Variants in LYPD6 observed in about 807,000 individuals in gnomAD.
The protein encoded by LYPD6 is ly6/PLAUR domain-containing protein 6.
Under a neutral mutation model 22.7 loss-of-function variants are expected in LYPD6, and 15 were observed. That is an observed-to-expected ratio of 0.66 (90% CI 0.44 to 1.02). LYPD6 has a LOEUF of 1.02. Among genes scored for constraint, LYPD6 ranks in the 50% least tolerant of loss-of-function variants. The pLI is 0.00. For missense variants in LYPD6, 189 were observed against 208.4 expected (o/e 0.91, Z 0.57); for synonymous variants, 72 against 77.5 (o/e 0.93, Z 0.37).
intron 1 of LYPD6, among the ~76,000 whole-genome samples, chr2:149,352,695 T>G (rs143018712): frequency 6.6e-6 from 1 of 152,318 alleles, no homozygotes; most frequent in Non-Finnish European, 1.5e-5. Context: ...ACTACAATGG[T>G]AAAAGTGTGT....
intron 1 of LYPD6, among the ~76,000 whole-genome samples, chr2:149,398,440 TGTG>T (rs1682475111): frequency 6.6e-6 from 1 of 151,948 alleles, no homozygotes; most frequent in Non-Finnish European, 1.5e-5. Flanking sequence ...TGTGTGTGTG[TGTG>T]TGTGTATGTG....
downstream of LYPD6, among the ~76,000 whole-genome samples, chr2:149,476,289 A>G (rs10497047): frequency 0.11 from 16,175 of 152,226 alleles, 1,057 homozygotes; most frequent in African/African-American, 0.18. Context: ...CAGGACAGCA[A>G]GCTAGCCTAA....
chr2:149,377,891 C>CACA (rs1185618407), intron 1 of LYPD6, among the ~76,000 whole-genome samples: 1 of 149,470 alleles, frequency 6.7e-6, no homozygotes, highest in East Asian at 2.0e-4. Flanking sequence ...TGCCCTGGAG[C>CACA]CTCCTGCAGG....
chr2:149,348,257 T>C (rs1386523615), intron 1 of LYPD6, among the ~76,000 whole-genome samples: 1 of 152,050 alleles, frequency 6.6e-6, no homozygotes, highest in African/African-American at 2.4e-5. Flanking sequence ...CCACAAAAAA[T>C]TCCTGTCCTG....
Position 149,346,397 on chromosome 2 carries a change from G to A in LYPD6, c.-72+15675G>A, listed in dbSNP as rs531769889. 1.2e-4 allele frequency among the ~76,000 whole-genome samples: 19 copies of A among 152,288 alleles called. 1 individual carries two copies. In the South Asian group the frequency reaches 3.5e-3, roughly 28 times the overall value. On this transcript the variant is annotated intron_variant, in intron 1 of 4. Coordinates refer to ENST00000334166, the MANE Select transcript of LYPD6 (RefSeq NM_194317.5). ...TTGGGAGAGACCTGAGTCCTCTCAC[G>A]TAGGACTGAGTTGCTCTTTATGGGA...
At chr2:149,344,211 G>T (rs1681213298) in intron 1 of LYPD6, among the ~76,000 whole-genome samples, 1 of 152,088 alleles carries the variant, frequency 6.6e-6, no homozygotes, top group Non-Finnish European at 1.5e-5. Context: ...AACTGTTTTT[G>T]TGTTGTGTGT....
intron 1 of LYPD6, among the ~76,000 whole-genome samples, chr2:149,345,305 A>ATT (rs1681233118): frequency 3.4e-5 from 3 of 89,330 alleles, no homozygotes; most frequent in East Asian, 5.8e-4. Context: ...CCTTAATTTA[A>ATT]ATTTTTTTTT....
chr2:149,336,557 T>TTTA (rs1469648625), intron 1 of LYPD6, among the ~76,000 whole-genome samples: 1 of 152,220 alleles, frequency 6.6e-6, no homozygotes, highest in African/African-American at 2.4e-5. Flanking sequence ...AATGTGATGC[T>TTTA]ATTTTAAAAA....
At chr2:149,431,589 T>C (rs928473347) in intron 1 of LYPD6, among the ~76,000 whole-genome samples, 4 of 152,198 alleles carry the variant, frequency 2.6e-5, no homozygotes, top group Non-Finnish European at 4.4e-5. Flanking sequence ...GTCGGTGATA[T>C]GAATAAACAG....
intron 1 of LYPD6, among the ~76,000 whole-genome samples, chr2:149,340,709 T>C (rs115346128): frequency 0.037 from 5,588 of 152,286 alleles, 154 homozygotes; most frequent in Non-Finnish European, 0.056. Flanking sequence ...CATATAGTTT[T>C]TGACATTTAA....
At chr2:149,463,204 A>G (rs1237621630) in intron 3 of LYPD6, among the ~76,000 whole-genome samples, 1 of 152,182 alleles carries the variant, frequency 6.6e-6, no homozygotes, top group African/African-American at 2.4e-5. Flanking sequence ...TAAACAAAAT[A>G]CATCATTAGA....
chr2:149,420,433 G>A (rs1171858496), intron 1 of LYPD6, among the ~76,000 whole-genome samples: 1 of 152,132 alleles, frequency 6.6e-6, no homozygotes, highest in Non-Finnish European at 1.5e-5. Context: ...AGTAATAGGT[G>A]TGAGTGTATG....
chr2:149,437,303 C>A (rs73964429), intron 1 of LYPD6, among the ~76,000 whole-genome samples: 25 of 152,238 alleles, frequency 1.6e-4, no homozygotes, highest in African/African-American at 5.8e-4. Flanking sequence ...TGAGCTTTTG[C>A]TCCTGACTTC....
intron 1 of LYPD6, among the ~76,000 whole-genome samples, chr2:149,410,467 C>T (rs1378699359): frequency 6.6e-6 from 1 of 152,110 alleles, no homozygotes; most frequent in Non-Finnish European, 1.5e-5. Context: ...ACATAGGATT[C>T]TAGTGCTGTG....
At chr2:149,483,888 G>A in the LYPD6 span, among the ~76,000 whole-genome samples, 2 of 152,196 alleles carry the variant, frequency 1.3e-5, no homozygotes, top group Non-Finnish European at 2.9e-5. Context: ...AAAATGTGGT[G>A]TATATCATAG....
chr2:149,415,764 T>C lies in LYPD6; in HGVS notation c.-71-21874T>C, dbSNP rs1387614079. ...TCACTGCAGCGTCAACCTCCTGGGC[T>C]CAAGTGATCCTCCCACCCCAGCCTC... On this transcript the variant is annotated intron_variant, in intron 1 of 4. Transcript: ENST00000334166. 6.6e-5 allele frequency among the ~76,000 whole-genome samples: 10 copies of C among 152,228 alleles called. No individual in the cohort carries two copies. The East Asian group carries it at 1.7e-3, about 27-fold the overall frequency.
Position 149,416,308 on chromosome 2 carries a change from C to T in LYPD6, c.-71-21330C>T, listed in dbSNP as rs1682961190. Among the ~76,000 whole-genome samples the T allele has an allele frequency of 3.9e-5, 6 of 152,172 alleles. No individual in the cohort carries two copies. The South Asian group carries it at 1.2e-3, about 31-fold the overall frequency. ...AATGATGTGACCCAAATCCTCTTTC[C>T]TGGGGGAATGAAACCTTTGTAGTCA... is the stretch of plus-strand genomic sequence containing the variant. On this transcript the variant is annotated intron_variant, in intron 1 of 4. Coordinates refer to ENST00000334166, the MANE Select transcript of LYPD6 (RefSeq NM_194317.5).
intron 1 of LYPD6, among the ~76,000 whole-genome samples, chr2:149,428,632 G>A (rs1298558369): frequency 6.6e-6 from 1 of 152,156 alleles, no homozygotes; most frequent in Non-Finnish European, 1.5e-5. Context: ...GTCCAACACT[G>A]ACCCAAATAA....
At chr2:149,398,787 G>A (rs538687302) in intron 1 of LYPD6, among the ~76,000 whole-genome samples, 3 of 152,262 alleles carry the variant, frequency 2.0e-5, no homozygotes, top group Non-Finnish European at 2.9e-5. Flanking sequence ...CAGAAGGTAA[G>A]TGGTGCAAGT....
Sources: gnomAD v4.1 joint callset for allele counts (sites outside exome capture counted in the v4.1 genomes callset) on GRCh38, gnomAD v4.1.1 for gene constraint, MANE v1.5 for transcripts, NCBI Gene and HGNC (gene_info 2026-07-23, HGNC 2026-07-21) for gene names.